TRAP1: variants seen among roughly 807,000 people sequenced by gnomAD.
TRAP1 encodes the protein heat shock protein 75 kDa, mitochondrial.
TRAP1 carries 102 observed loss-of-function variants against 89.1 expected under a neutral mutation model. That is an observed-to-expected ratio of 1.15 (90% confidence interval 0.98 to 1.35). The LOEUF (loss-of-function observed/expected upper bound fraction) is 1.35, where lower values mean the gene tolerates loss of function less well. Ranked by LOEUF, TRAP1 falls within the 40% of genes most tolerant of loss-of-function variation. TRAP1 has a pLI of 0.00. For synonymous variants in TRAP1, 508 were observed against 388.0 expected, an observed-to-expected ratio of 1.31 and a Z score of -3.64; for missense variants, 1,256 against 945.3, an observed-to-expected ratio of 1.33 and a Z score of -4.31.
intron 6 of TRAP1, 30 bp from the exon 7 acceptor site, chr16:3,676,175 G>C (rs754184113): frequency 4.4e-6 from 7 of 1,602,078 alleles, no homozygotes; most frequent in East Asian, 2.2e-5. Context: ...GAAAAGCCAG[G>C]TGGATGTGAC....
intron 7 of TRAP1, 146 bp downstream of exon 7, chr16:3,675,890 C>A (rs1124486): frequency 7.2e-6 from 5 of 698,608 alleles, no homozygotes; most frequent in Admixed American, 3.0e-5. Context: ...GGCAGCCCCC[C>A]TCCCAGTCCC....
At position 3,676,115 on chromosome 16, in the gene TRAP1, C is replaced by G; in HGVS notation, c.735G>C (p.Ser245=). 6.2e-7 allele frequency: 1 copy of G among 1,613,914 alleles called. No individual in the cohort carries two copies. The highest frequency in any genetic ancestry group is 8.5e-7 in the Non-Finnish European group (1 of 1,179,910). ...TGATTTTTGTCCCGGTTCTAACTCC[C>G]GAAGCTTCGGCGATTTCAAACACTC... ...GSGVFEIAEA[S]GVRTGTKIII... is the part of the protein sequence containing the mutation. The change falls in exon 7 of 18, where the codon TCG becomes TCC. Residue 245 remains serine, a synonymous_variant. Transcript: ENST00000246957.
At chr16:3,675,884 G>GC in intron 7 of TRAP1, 152 bp downstream of exon 7, 1 of 677,262 alleles carries the variant, frequency 1.5e-6, no homozygotes, top group Non-Finnish European at 2.4e-6. Flanking sequence ...CTGGCGGGCA[G>GC]CCCCCCTCCC....
intron 1 of TRAP1, among the ~76,000 whole-genome samples, chr16:3,701,550 CAAAA>C (rs34870237): frequency 1.7e-5 from 2 of 120,068 alleles, no homozygotes; most frequent in Non-Finnish European, 1.8e-5. Flanking sequence ...GACCCTGTCC[CAAAA>C]AAAAAAAAAA....
intron 16 of TRAP1, chr16:3,661,772 G>T: frequency 2.1e-6 from 1 of 478,106 alleles, no homozygotes; most frequent in Non-Finnish European, 3.4e-6. Context: ...CTGGGATGTG[G>T]CTAACCTCCC....
At chr16:3,658,969 T>G in intron 16 of TRAP1, 104 bp from the exon 17 acceptor site, 1 of 1,158,550 alleles carries the variant, frequency 8.6e-7, no homozygotes, top group Non-Finnish European at 1.3e-6. Context: ...ACAGTAAGAC[T>G]GTCTGTAGTT....
At chr16:3,710,140 C>T (rs2051508589) in intron 1 of TRAP1, among the ~76,000 whole-genome samples, 1 of 152,140 alleles carries the variant, frequency 6.6e-6, no homozygotes, top group Non-Finnish European at 1.5e-5. Context: ...ACTCCTTGAA[C>T]ATAAAGAAAA....
rs138421073 is a variant in TRAP1, at chr16:3,696,275, G to A, written c.89-5290C>T. On this transcript the variant is annotated intron_variant, in intron 1 of 17. Coordinates refer to ENST00000246957, the MANE Select transcript of TRAP1 (RefSeq NM_016292.3). ...AGAGGAGCCTAGGACACCCAGTGGTGTGCAGAAGGACGAGAAAGGACGGGG... is the reference window on the plus strand; with the variant it reads ...AGAGGAGCCTAGGACACCCAGTGGTATGCAGAAGGACGAGAAAGGACGGGG... 3.3e-5 allele frequency among the ~76,000 whole-genome samples: 5 copies of A among 152,330 alleles called. No homozygotes were observed. The East Asian group carries it at 7.7e-4, about 23-fold the overall frequency.
At chr16:3,706,227 T>C (rs942844328) in intron 1 of TRAP1, among the ~76,000 whole-genome samples, 1 of 152,106 alleles carries the variant, frequency 6.6e-6, no homozygotes, top group African/African-American at 2.4e-5. Flanking sequence ...GTGCTGAGAT[T>C]GTAGACATGA....
rs529514198 is a variant in TRAP1, at chr16:3,706,049, C to T, written c.88+11372G>A. On this transcript the variant is annotated intron_variant, in intron 1 of 17. Transcript: ENST00000246957. ...TCTCACTCTGCAGTGGTGTAATCTC[C>T]GCTCACTGCAACCTCCAATTCCCAG... Among the ~76,000 whole-genome samples the T allele has an allele frequency of 2.5e-3, 372 of 150,920 alleles. 2 individuals carry two copies. Among genetic ancestry groups the T allele is most frequent in the African/African-American group, 8.5e-3 (351 of 41,074 alleles).
At chr16:3,713,131 C>A (rs897958303) in intron 1 of TRAP1, among the ~76,000 whole-genome samples, 1 of 152,170 alleles carries the variant, frequency 6.6e-6, no homozygotes, top group Admixed American at 6.5e-5. Flanking sequence ...AGAGTCGCAA[C>A]TGACCAGCAA....
intron 1 of TRAP1, among the ~76,000 whole-genome samples, chr16:3,710,892 A>G (rs1318738876): frequency 9.0e-6 from 1 of 110,686 alleles, no homozygotes. Flanking sequence ...TTTTTTTTTG[A>G]GACACTGTCA....
intron 1 of TRAP1, among the ~76,000 whole-genome samples, chr16:3,701,559 A>AAAC (rs1555467029): frequency 1.3e-5 from 2 of 151,280 alleles, no homozygotes; most frequent in African/African-American, 4.9e-5. Context: ...CCAAAAAAAA[A>AAAC]AAAAAAAAAT....
intron 1 of TRAP1, among the ~76,000 whole-genome samples, chr16:3,704,653 G>A (rs1466458517): frequency 6.6e-6 from 1 of 151,808 alleles, no homozygotes; most frequent in East Asian, 1.9e-4. Context: ...AGGAGCTCGA[G>A]GCCAGCCTAG....
Position 3,662,147 on chromosome 16 carries a change from C to T in TRAP1, c.1795-15G>A, listed in dbSNP as rs768292446. 2.2e-5 allele frequency: 35 copies of T among 1,607,342 alleles called. No homozygotes were observed. The highest frequency in any genetic ancestry group is 1.7e-4 in the Middle Eastern group (1 of 5,962). On this transcript the variant is annotated splice_polypyrimidine_tract_variant and intron_variant, in intron 15 of 17. Coordinates refer to ENST00000246957, the MANE Select transcript of TRAP1 (RefSeq NM_016292.3). Reference sequence around the variant, plus strand: ...CGGAGGGTCACCTGTGAGCAAAGCCCGGGGTTGAGGGTGATAGAGGTTCCC... The same window carrying T: ...CGGAGGGTCACCTGTGAGCAAAGCCTGGGGTTGAGGGTGATAGAGGTTCCC...
At position 3,675,303 on chromosome 16, in the gene TRAP1, CT is replaced by C; in HGVS notation, c.888+20del. The stretch of plus-strand genomic sequence containing the variant: ...ATTTGTCTCCATGTTTGACCAGTCC[CT>C]AGAGGAACTCAGGGCTCACCTGCAA... On this transcript the variant is annotated intron_variant, in intron 8 of 17. Transcript: ENST00000246957. 6.2e-7 allele frequency: 1 copy of C among 1,612,970 alleles called. No individual in the cohort carries two copies. The highest frequency in any genetic ancestry group is 8.5e-7 in the Non-Finnish European group (1 of 1,179,028).
intron 1 of TRAP1, among the ~76,000 whole-genome samples, chr16:3,695,785 T>C (rs2051278984): frequency 1.3e-5 from 2 of 151,428 alleles, no homozygotes; most frequent in Admixed American, 1.3e-4. Context: ...CCCTGCGGAG[T>C]CAGCAGGTCT....
chr16:3,663,863 G>C (rs921155917), intron 13 of TRAP1: 1 of 402,650 alleles, frequency 2.5e-6, no homozygotes, highest in African/African-American at 2.0e-5. Context: ...CATGAGGTCA[G>C]GAGTTCGAGA....
At chr16:3,691,509 C>T (rs2051214225) in intron 1 of TRAP1, among the ~76,000 whole-genome samples, 1 of 152,234 alleles carries the variant, frequency 6.6e-6, no homozygotes, top group African/African-American at 2.4e-5. Flanking sequence ...GCGTGAGCCA[C>T]CATGCCCAGC....
Sources: gnomAD v4.1 joint callset for allele counts (sites outside exome capture counted in the v4.1 genomes callset) on GRCh38, gnomAD v4.1.1 for gene constraint, MANE v1.5 for transcripts, NCBI Gene and HGNC (gene_info 2026-07-23, HGNC 2026-07-21) for gene names.